DHRS7: variants seen among roughly 807,000 people sequenced by gnomAD.
The protein encoded by DHRS7 is dehydrogenase/reductase SDR family member 7.
DHRS7 carries 34 observed loss-of-function variants against 38.9 expected under a neutral mutation model. The ratio of observed to expected loss-of-function variants is 0.87; its 90% CI spans 0.66 to 1.16. The LOEUF is 1.16. Ranked by LOEUF, DHRS7 falls within the 50% of genes most tolerant of loss-of-function variation. The probability of loss-of-function intolerance (pLI) is 0.00; values close to 1 mark genes in which losing one functional copy is unlikely to be tolerated. For synonymous variants in DHRS7, 158 were observed against 153.1 expected, an observed-to-expected ratio of 1.03 and a Z score of -0.24; for missense variants, 421 against 407.0, an observed-to-expected ratio of 1.03 and a Z score of -0.30.
At chr14:60,159,488 A>G (rs1896720409) in intron 1 of DHRS7, among the ~76,000 whole-genome samples, 1 of 152,264 alleles carries the variant, frequency 6.6e-6, no homozygotes, top group East Asian at 1.9e-4. Flanking sequence ...GGAAACTTCC[A>G]TAAGTTTGTG....
chr14:60,157,416 T>TG (rs768347722), intron 1 of DHRS7, among the ~76,000 whole-genome samples: 19 of 152,248 alleles, frequency 1.2e-4, no homozygotes, highest in Non-Finnish European at 2.4e-4. Context: ...TTTTAACAGA[T>TG]GGACTTTACT....
At chr14:60,168,645 C>G (rs1343918886), upstream of DHRS7, 5 of 1,508,450 alleles carry the variant, frequency 3.3e-6, no homozygotes, top group Non-Finnish European at 2.6e-6. Context: ...AATTCTAAAA[C>G]TGATCAATGC....
upstream of DHRS7, chr14:60,165,636 AT>A (rs1264257928): frequency 1.1e-5 from 12 of 1,106,846 alleles, no homozygotes; most frequent in Non-Finnish European, 7.7e-6. The surrounding 1 kb of genome is among the most constrained non-coding windows in gnomAD (Gnocchi z 4.6). Context: ...AAATTCCAGT[AT>A]TTTTAAAGAA....
Position 60,165,313 on chromosome 14 carries a change from G to C in DHRS7, c.-4C>G. 6.3e-7 allele frequency: 1 copy of C among 1,577,736 alleles called. No individual in the cohort carries two copies. Among genetic ancestry groups the C allele is most frequent in the Non-Finnish European group, 8.6e-7 (1 of 1,165,626 alleles). ...ACAGCAGCAGCTCCCAGTTCATTGC[G>C]GCCGCGCACGCCCAGCTCGGGGGGA... On this transcript the variant is annotated 5_prime_UTR_variant, in exon 1 of 7. Transcript: ENST00000557185. The surrounding 1 kb of genome is among the most constrained non-coding windows in gnomAD (Gnocchi z 4.6).
At chr14:60,152,527 G>T (rs1416313172) in intron 4 of DHRS7, among the ~76,000 whole-genome samples, 1 of 152,140 alleles carries the variant, frequency 6.6e-6, no homozygotes, top group East Asian at 1.9e-4. Context: ...TCACAGAAAT[G>T]GGGAGGAAAA....
chr14:60,152,628 A>C, intron 4 of DHRS7: 1 of 327,166 alleles, frequency 3.1e-6, no homozygotes, highest in Non-Finnish European at 5.8e-6. Context: ...GGTGAAGAGT[A>C]ACATGTTAAA....
At chr14:60,164,048 T>C (rs1385654801) in intron 1 of DHRS7, among the ~76,000 whole-genome samples, 1 of 152,168 alleles carries the variant, frequency 6.6e-6, no homozygotes, top group Non-Finnish European at 1.5e-5. Context: ...TGTGTATTTT[T>C]CGTGAACTCA....
Position 60,155,998 on chromosome 14 carries a change from A to T in DHRS7, c.286+2T>A, listed in dbSNP as rs750790378. 2 of 1,557,044 alleles carry T rather than the reference A, an allele frequency of 1.3e-6. No individual in the cohort carries two copies. The highest frequency in any genetic ancestry group is 4.0e-5 in the Admixed American group (2 of 50,458). On this transcript the variant is annotated splice_donor_variant, in intron 2 of 6. Transcript: ENST00000557185. LOFTEE classifies it high-confidence loss of function. ...CACCGCTGCTATTTCAGATCCGCTTACCTAGGCATCTTCTTTTCACCCTTT... is the reference window on the plus strand; with the variant it reads ...CACCGCTGCTATTTCAGATCCGCTTTCCTAGGCATCTTCTTTTCACCCTTT...
chr14:60,165,672 T>TTA, upstream of DHRS7: 1 of 1,039,868 alleles, frequency 9.6e-7, no homozygotes, highest in Non-Finnish European at 1.2e-6. This position sits in a 1 kb window ranked among gnomAD's most constrained non-coding sequence, Gnocchi z 4.6. Context: ...AAGCTACATA[T>TTA]TATACTACGT....
intron 2 of DHRS7, among the ~76,000 whole-genome samples, chr14:60,155,666 GATACATGT>G (rs1896643311): frequency 6.6e-6 from 1 of 152,066 alleles, no homozygotes; most frequent in Admixed American, 6.5e-5. Flanking sequence ...TCTATGATCA[GATACATGT>G]ATGTCATGGA....
rs925596487 is a variant in DHRS7 at position 60,153,726 on chromosome 14, C to T, written c.393+233G>A. 6.0e-5 allele frequency among the ~76,000 whole-genome samples: 8 copies of T among 132,338 alleles called. No individual in the cohort carries two copies. Among genetic ancestry groups the T allele is most frequent in the East Asian group, 2.3e-4 (1 of 4,428 alleles). The allele number at this position is 132,338 out of a possible 152,430, so 86.8% of individuals were successfully genotyped here. The stretch of plus-strand genomic sequence containing the variant: ...ACATAAATAAATAAATAAAAGCAGC[C>T]GTGAATTTTTAGCTTCTTTTGTTCT... On this transcript the variant is annotated intron_variant, in intron 3 of 6. Transcript: ENST00000557185. The surrounding 1 kb of genome is among the most constrained non-coding windows in gnomAD (Gnocchi z 4.4).
rs761269580 is a variant in DHRS7, at chr14:60,150,069, G to T, written c.752C>A (p.Thr251Lys). The T allele has an allele frequency of 4.4e-6, 7 of 1,593,030 alleles. No individual in the cohort carries two copies. In the Admixed American group the frequency reaches 7.5e-5, roughly 17 times the overall value. ...IVENSLAGEV[T>K]KTIGNNGDQS... ...TTCCCAACTAGAAATTTTTACCTTT[G>T]TGACTTCTCCAGCTAGGGAATTCTC... The change falls in exon 5 of 7, where the codon ACA (threonine) becomes AAA (lysine). Residue 251 changes from threonine (T) to lysine (K), a missense_variant. Physicochemically the swap from Thr to Lys is moderately conservative, Grantham distance 78. Coordinates refer to ENST00000557185, the MANE Select transcript of DHRS7 (RefSeq NM_016029.4).
In DHRS7 at chr14:60,145,754, T is replaced by A. The variant is rs1896389445; in HGVS notation, c.973-741A>T. ...GGAATAAAACAAGGCAACCTGATAA[T>A]CCCCAAGATGTGATGTTTCTTTTCA... On this transcript the variant is annotated intron_variant, in intron 6 of 6. Coordinates refer to ENST00000557185, the MANE Select transcript of DHRS7 (RefSeq NM_016029.4). This position sits in a 1 kb window ranked among gnomAD's most constrained non-coding sequence, Gnocchi z 4.0. 1 of 152,090 alleles carries A rather than the reference T, an allele frequency of 6.6e-6. No homozygotes were observed. The highest frequency in any genetic ancestry group is 2.4e-5 in the African/African-American group (1 of 41,424). The allele number at this position is 152,090 out of a possible 1,614,324, so 9.4% of individuals were successfully genotyped here. A position where few individuals can be genotyped will look rare whatever the true frequency, so the allele number is the denominator to read the frequency against.
chr14:60,152,599 T>C (rs414700), intron 4 of DHRS7: 3 of 229,812 alleles, frequency 1.3e-5, no homozygotes, highest in South Asian at 1.5e-4. Flanking sequence ...CCATGAAGAT[T>C]TAGTAGGAAT....
At chr14:60,164,698 C>A (rs1281701165) in intron 1 of DHRS7, among the ~76,000 whole-genome samples, 1 of 152,160 alleles carries the variant, frequency 6.6e-6, no homozygotes, top group Non-Finnish European at 1.5e-5. Context: ...GATTTTATTT[C>A]AAAACTGCAG....
At chr14:60,149,783 G>C (rs536684354) in intron 5 of DHRS7, among the ~76,000 whole-genome samples, 1 of 151,708 alleles carries the variant, frequency 6.6e-6, no homozygotes, top group Non-Finnish European at 1.5e-5. Flanking sequence ...TATAGTGCAG[G>C]CTAACTAAAA....
chr14:60,165,450 G>A, upstream of DHRS7: 5 of 1,369,284 alleles, frequency 3.7e-6, no homozygotes, highest in Middle Eastern at 2.7e-4. This position sits in a 1 kb window ranked among gnomAD's most constrained non-coding sequence, Gnocchi z 4.6. Context: ...CAGGCCGGGA[G>A]GAGGAGCGGC....
chr14:60,164,529 T>TA (rs1360076503), intron 1 of DHRS7, among the ~76,000 whole-genome samples: 1 of 152,178 alleles, frequency 6.6e-6, no homozygotes, highest in Non-Finnish European at 1.5e-5. Context: ...TGAGCCAACA[T>TA]ACAGCAAATG....
intron 1 of DHRS7, among the ~76,000 whole-genome samples, chr14:60,157,599 G>A (rs1896683571): frequency 6.6e-6 from 1 of 152,170 alleles, no homozygotes; most frequent in African/African-American, 2.4e-5. Context: ...TATTATCTCA[G>A]TTTTACAGAA....
Sources: gnomAD v4.1 joint callset for allele counts (sites outside exome capture counted in the v4.1 genomes callset) on GRCh38, gnomAD v4.1.1 for gene constraint, Gnocchi (gnomAD v3.1) non-coding constraint, MANE v1.5 for transcripts, NCBI Gene and HGNC (gene_info 2026-07-23, HGNC 2026-07-21) for gene names.